CEP85L: variants seen among roughly 807,000 people sequenced by gnomAD.
CEP85L encodes the protein centrosomal protein of 85 kDa-like.
CEP85L carries 60 observed loss-of-function variants against 100.3 expected under a neutral mutation model. That is an observed-to-expected ratio of 0.60 (90% CI 0.49 to 0.74). CEP85L has a LOEUF of 0.74. Ranked by LOEUF, CEP85L falls within the 30% of genes least tolerant of loss-of-function variation. CEP85L has a pLI of 0.00. For synonymous variants in CEP85L, 319 were observed against 322.7 expected, an observed-to-expected ratio of 0.99 and a Z score of 0.12; for missense variants, 973 against 936.2, an observed-to-expected ratio of 1.04 and a Z score of -0.51.
intron 1 of CEP85L, among the ~76,000 whole-genome samples, chr6:118,707,419 C>T (rs1259935633): frequency 6.6e-6 from 1 of 152,074 alleles, no homozygotes; most frequent in Admixed American, 6.5e-5. Context: ...GAATGAAACT[C>T]CTGGGCTCAA....
At chr6:118,597,959 A>G (rs1781539854) in intron 2 of CEP85L, among the ~76,000 whole-genome samples, 1 of 152,346 alleles carries the variant, frequency 6.6e-6, no homozygotes, top group Non-Finnish European at 1.5e-5. Flanking sequence ...GTCAGTGACT[A>G]TAAGAAGATT....
intron 5 of CEP85L, chr6:118,502,088 C>A: frequency 1.1e-6 from 1 of 935,780 alleles, no homozygotes; most frequent in Admixed American, 2.2e-5. Context: ...GTAGGAGAGC[C>A]AGAATACTGC....
chr6:118,575,396 A>G (rs1044029235), intron 2 of CEP85L, among the ~76,000 whole-genome samples: 2 of 152,218 alleles, frequency 1.3e-5, no homozygotes, highest in African/African-American at 4.8e-5. Flanking sequence ...GGATTTGTCA[A>G]CTTTTAATAG....
At chr6:118,563,596 A>T (rs1779342235) in intron 3 of CEP85L, among the ~76,000 whole-genome samples, 1 of 152,150 alleles carries the variant, frequency 6.6e-6, no homozygotes, top group Non-Finnish European at 1.5e-5. Flanking sequence ...ACTAAAAGAA[A>T]ATCAGTGTTT....
upstream of CEP85L, among the ~76,000 whole-genome samples, chr6:118,653,675 G>A (rs916780551): frequency 2.7e-5 from 4 of 149,232 alleles, no homozygotes; most frequent in South Asian, 2.1e-4. Context: ...GACAGTTATC[G>A]TTGAACCTCA....
At chr6:118,617,936 C>T (rs1773175824) in intron 2 of CEP85L, among the ~76,000 whole-genome samples, 1 of 152,164 alleles carries the variant, frequency 6.6e-6, no homozygotes, top group Admixed American at 6.5e-5. Context: ...ACCTGTCAGC[C>T]AGTTAAAGGC....
intron 3 of CEP85L, among the ~76,000 whole-genome samples, chr6:118,541,173 T>C (rs1234959175): frequency 6.6e-6 from 1 of 152,222 alleles, no homozygotes; most frequent in Non-Finnish European, 1.5e-5. Context: ...GCCTTACAAA[T>C]GACTTTGCCA....
rs1772380526 is a variant in CEP85L, at chr6:118,464,464, CT to C, written c.*940del. 6.6e-6 allele frequency: 1 copy of C among 152,060 alleles called. No individual in the cohort carries two copies. Among genetic ancestry groups the C allele is most frequent in the African/African-American group, 2.4e-5 (1 of 41,434 alleles). 9.4% of individuals were successfully genotyped at this position (152,060 alleles called of 1,614,324 possible). ...AGTTTCAACTTTGAAACATACAAAA[CT>C]GTTAAAATGTAAATGTTGAGATTTG... is the stretch of plus-strand genomic sequence containing the variant. On this transcript the variant is annotated 3_prime_UTR_variant, in exon 13 of 13. Transcript: ENST00000368491.
chr6:118,568,567 T>C lies in CEP85L; in HGVS notation c.233-2251A>G, dbSNP rs1156395929. Among the ~76,000 whole-genome samples the C allele has an allele frequency of 7.2e-5, 11 of 152,338 alleles. No homozygotes were observed. In the East Asian group the frequency reaches 1.9e-3, roughly 27 times the overall value. ...TTATACACATCTTCAAACGCTCTGC[T>C]AAGTAAAGAGCCTGGCCTTCATTCA... On this transcript the variant is annotated intron_variant, in intron 2 of 12. Transcript: ENST00000368491.
intron 2 of CEP85L, among the ~76,000 whole-genome samples, chr6:118,593,323 T>G (rs1327046724): frequency 6.6e-6 from 1 of 150,616 alleles, no homozygotes; most frequent in East Asian, 1.9e-4. Flanking sequence ...ATGGTATAAG[T>G]CCATTACTGT....
At chr6:118,676,295 A>G (rs1776479129) in intron 1 of CEP85L, among the ~76,000 whole-genome samples, 1 of 152,162 alleles carries the variant, frequency 6.6e-6, no homozygotes, top group African/African-American at 2.4e-5. Context: ...TCTAACTGAA[A>G]CTATGTACCC....
intron 1 of CEP85L, among the ~76,000 whole-genome samples, chr6:118,692,858 A>C (rs1777090990): frequency 8.2e-6 from 1 of 122,490 alleles, no homozygotes; most frequent in Non-Finnish European, 1.9e-5. Flanking sequence ...GTTCCACTAA[A>C]GCTTAAACTT....
intron 2 of CEP85L, among the ~76,000 whole-genome samples, chr6:118,613,962 A>G (rs115982856): frequency 0.013 from 1,927 of 152,286 alleles, 34 homozygotes; most frequent in African/African-American, 0.044. Flanking sequence ...TTCCTTATCG[A>G]TACACGAAAA....
intron 3 of CEP85L, among the ~76,000 whole-genome samples, chr6:118,530,646 G>T (rs774300070): frequency 6.6e-6 from 1 of 152,080 alleles, no homozygotes; most frequent in Non-Finnish European, 1.5e-5. Context: ...AAAGTTATTT[G>T]ATCTGATAAA....
chr6:118,541,023 G>A (rs1236031944), intron 3 of CEP85L, among the ~76,000 whole-genome samples: 1 of 151,962 alleles, frequency 6.6e-6, no homozygotes, highest in East Asian at 1.9e-4. Flanking sequence ...TTGAATTTTG[G>A]GTTATGTTAC....
At chr6:118,489,303 T>C (rs1774398812) in intron 6 of CEP85L, among the ~76,000 whole-genome samples, 1 of 147,648 alleles carries the variant, frequency 6.8e-6, no homozygotes, top group Non-Finnish European at 1.5e-5. Flanking sequence ...GAGATAAAGA[T>C]TTTCCCACAC....
intron 2 of CEP85L, among the ~76,000 whole-genome samples, chr6:118,579,485 C>T (rs942871752): frequency 6.6e-6 from 1 of 152,110 alleles, no homozygotes; most frequent in African/African-American, 2.4e-5. Context: ...CTAGTTTCAA[C>T]TTAAGATTAA....
intron 1 of CEP85L, among the ~76,000 whole-genome samples, chr6:118,662,147 T>C (rs1775993243): frequency 6.6e-6 from 1 of 152,194 alleles, no homozygotes; most frequent in Non-Finnish European, 1.5e-5. Context: ...AGAGTAATGA[T>C]AAAAGGTATT....
chr6:118,678,110 T>C (rs569934667), intron 1 of CEP85L, among the ~76,000 whole-genome samples: 48 of 152,328 alleles, frequency 3.2e-4, no homozygotes, highest in Non-Finnish European at 4.3e-4. Flanking sequence ...GGATATTTAT[T>C]AGGGAGTTCC....
Sources: allele counts gnomAD v4.1 joint callset (sites outside exome capture counted in the v4.1 genomes callset), GRCh38; gene constraint gnomAD v4.1.1; transcripts MANE v1.5; gene names NCBI Gene and HGNC (gene_info 2026-07-23, HGNC 2026-07-21).